Variants in UMPS observed in about 807,000 individuals in gnomAD.
The protein encoded by UMPS is uridine monophosphate synthetase.
UMPS carries 21 observed loss-of-function variants against 38.9 expected under a neutral mutation model. The ratio of observed to expected loss-of-function variants is 0.54; its 90% confidence interval spans 0.38 to 0.78. UMPS has a LOEUF of 0.78. UMPS is among the 30% of genes least tolerant of loss of function. The pLI, the probability that UMPS is intolerant of heterozygous loss-of-function variation, is 0.00. For missense variants in UMPS, 533 were observed against 591.6 expected, an observed-to-expected ratio of 0.90 and a Z score of 1.03; for synonymous variants, 208 against 219.3, an observed-to-expected ratio of 0.95 and a Z score of 0.45.
chr3:124,732,216 T>A (rs2063484588), intron 1 of UMPS, among the ~76,000 whole-genome samples: 1 of 152,216 alleles, frequency 6.6e-6, no homozygotes, highest in Non-Finnish European at 1.5e-5. Flanking sequence ...GGGCAACTAC[T>A]CATATTAATT....
chr3:124,731,909 C>T (rs865927979), intron 1 of UMPS, among the ~76,000 whole-genome samples: 12 of 150,692 alleles, frequency 8.0e-5, no homozygotes, highest in Middle Eastern at 3.5e-3. Context: ...GATCCTCTTA[C>T]CTCAACCTCT....
intron 3 of UMPS, among the ~76,000 whole-genome samples, chr3:124,738,977 C>T (rs1190170805): frequency 1.3e-5 from 2 of 152,156 alleles, no homozygotes; most frequent in Non-Finnish European, 2.9e-5. Context: ...TTTTTGTAGG[C>T]ATCTTTGAGG....
At chr3:124,736,036 C>G (rs2150895091) in intron 2 of UMPS, among the ~76,000 whole-genome samples, 1 of 152,236 alleles carries the variant, frequency 6.6e-6, no homozygotes, top group African/African-American at 2.4e-5. Flanking sequence ...AATCCCAGCA[C>G]TTTGGGAGGG....
Position 124,746,158 on chromosome 3 carries a change from C to G in UMPS, c.*2074C>G, listed in dbSNP as rs1402897139. The G allele has an allele frequency of 2.2e-6, 1 of 454,012 alleles. No individual in the cohort carries two copies. 28.1% of individuals were successfully genotyped at this position (454,012 alleles called of 1,614,324 possible). A position where few individuals can be genotyped will look rare whatever the true frequency, so the allele number is the denominator to read the frequency against. The stretch of plus-strand genomic sequence containing the variant: ...TTAGAAATGTGGGCTCCTGCCATCT[C>G]CAGGACGCAGGCACTGTTCCTGTTG... On this transcript the variant is annotated 3_prime_UTR_variant, in exon 6 of 6. Transcript: ENST00000232607.
chr3:124,735,103 T>C lies in UMPS; in HGVS notation c.167T>C (p.Ile56Thr), dbSNP rs762112305. The C allele has an allele frequency of 1.2e-6, 2 of 1,613,634 alleles. No homozygotes were observed. The highest frequency in any genetic ancestry group is 1.7e-5 in the Admixed American group (1 of 59,988). ...RPRLLSQVAD[I>T]LFQTAQNAGI... ...TTCATTTTCTTACAGGTTGCAGATA[T>C]TTTATTCCAAACTGCCCAAAATGCA... Residue 56 changes from isoleucine to threonine, a missense_variant, in exon 2 of 6, where the codon ATT (isoleucine) becomes ACT (threonine). Coordinates refer to ENST00000232607, the MANE Select transcript of UMPS (RefSeq NM_000373.4).
At position 124,747,882 on chromosome 3, in the gene UMPS, T is replaced by C. The variant is rs1219555464; in HGVS notation, c.*3798T>C. On this transcript the variant is annotated 3_prime_UTR_variant, in exon 6 of 6. Transcript: ENST00000232607. ...AACACAGTGGACCAAGTGTCAGTCA[T>C]TGAAAATGACCATGAGTAACCCTGT... 4 of 453,474 alleles carry C rather than the reference T, an allele frequency of 8.8e-6. No homozygotes were observed. Among genetic ancestry groups the C allele is most frequent in the Non-Finnish European group, 1.8e-5 (4 of 226,394 alleles). 28.1% of individuals were successfully genotyped at this position (453,474 alleles called of 1,614,324 possible). A position where few individuals can be genotyped will look rare whatever the true frequency, so the allele number is the denominator to read the frequency against.
Position 124,746,185 on chromosome 3 carries a change from T to G in UMPS, c.*2101T>G, listed in dbSNP as rs1025421272. The G allele has an allele frequency of 2.0e-5, 9 of 454,000 alleles. No individual in the cohort carries two copies. Among genetic ancestry groups the G allele is most frequent in the African/African-American group, 1.6e-4 (8 of 50,010 alleles). The allele number at this position is 454,000 out of a possible 1,614,324, so 28.1% of individuals were successfully genotyped here. A position where few individuals can be genotyped will look rare whatever the true frequency, so the allele number is the denominator to read the frequency against. The stretch of plus-strand genomic sequence containing the variant: ...AGGACGCAGGCACTGTTCCTGTTGA[T>G]GAACCCTATTTCACAGGACCCCTGC... On this transcript the variant is annotated 3_prime_UTR_variant, in exon 6 of 6. Coordinates refer to ENST00000232607, the MANE Select transcript of UMPS (RefSeq NM_000373.4).
chr3:124,743,655 A>T (rs868627957), intron 5 of UMPS, among the ~76,000 whole-genome samples: 46 of 151,626 alleles, frequency 3.0e-4, no homozygotes, highest in Admixed American at 1.1e-3. Flanking sequence ...TAAATAAATA[A>T]AAATAAATAA....
chr3:124,732,958 C>T (rs902825742), intron 1 of UMPS, among the ~76,000 whole-genome samples: 1 of 109,628 alleles, frequency 9.1e-6, no homozygotes, highest in African/African-American at 4.6e-5. Context: ...TTTTTGATAA[C>T]TAGATCATGG....
In UMPS at chr3:124,740,214, G is replaced by A; in HGVS notation, c.1158+15G>A. 6.3e-7 allele frequency: 1 copy of A among 1,598,952 alleles called. No individual in the cohort carries two copies. Among genetic ancestry groups the A allele is most frequent in the Non-Finnish European group, 8.5e-7 (1 of 1,170,824 alleles). ...CTAGAGCAGCGGTAAGTGGTGGGGGGACTGGGTGAGAGGGGGCAGGGGCTG... is the reference window on the plus strand; with the variant it reads ...CTAGAGCAGCGGTAAGTGGTGGGGGAACTGGGTGAGAGGGGGCAGGGGCTG... On this transcript the variant is annotated intron_variant, in intron 4 of 5. Transcript: ENST00000232607.
chr3:124,742,269 A>C lies in UMPS; in HGVS notation c.1273+3A>C. On this transcript the variant is annotated splice_donor_region_variant and intron_variant, in intron 5 of 5. Transcript: ENST00000232607. ...AGGAGTTCAGTTGGAAGCAGGAGGT[A>C]AATCTGGTCACTGGTCGTGGCTCTT... 1 of 1,609,030 alleles carries C rather than the reference A, an allele frequency of 6.2e-7. No homozygotes were observed. Among genetic ancestry groups the C allele is most frequent in the South Asian group, 1.1e-5 (1 of 91,000 alleles).
rs1428255448 is a variant in UMPS at position 124,746,423 on chromosome 3, A to T, written c.*2339A>T. 1 of 454,134 alleles carries T rather than the reference A, an allele frequency of 2.2e-6. No individual in the cohort carries two copies. Among genetic ancestry groups the T allele is most frequent in the Admixed American group, 2.3e-5 (1 of 42,582 alleles). The allele number at this position is 454,134 out of a possible 1,614,324, so 28.1% of individuals were successfully genotyped here. ...TTCTATTGTGAAGAGTCAGCCCAGTACTGCAGGCCTCTTACCTAAGCAGAA... is the reference window on the plus strand; with the variant it reads ...TTCTATTGTGAAGAGTCAGCCCAGTTCTGCAGGCCTCTTACCTAAGCAGAA... On this transcript the variant is annotated 3_prime_UTR_variant, in exon 6 of 6. Transcript: ENST00000232607.
rs2063597481 is a variant in UMPS at position 124,746,342 on chromosome 3, G to C, written c.*2258G>C. On this transcript the variant is annotated 3_prime_UTR_variant, in exon 6 of 6. Coordinates refer to ENST00000232607, the MANE Select transcript of UMPS (RefSeq NM_000373.4). ...TAGCAGATTTGTGGTTTGCCCAGCA[G>C]CCTGGGCGTGTGCATTTCTAATGGG... is the stretch of plus-strand genomic sequence containing the variant. 1 of 454,030 alleles carries C rather than the reference G, an allele frequency of 2.2e-6. No individual in the cohort carries two copies. The highest frequency in any genetic ancestry group is 2.0e-5 in the African/African-American group (1 of 50,016). 28.1% of individuals were successfully genotyped at this position (454,030 alleles called of 1,614,324 possible). A position where few individuals can be genotyped will look rare whatever the true frequency, so the allele number is the denominator to read the frequency against.
intron 4 of UMPS, 59 bp downstream of exon 4, chr3:124,740,258 G>C: frequency 1.3e-6 from 2 of 1,506,122 alleles, no homozygotes; most frequent in Non-Finnish European, 1.8e-6. Context: ...CATGCTGCAA[G>C]AAGATATCTC....
intron 1 of UMPS, among the ~76,000 whole-genome samples, chr3:124,734,706 CAT>C (rs2063505494): frequency 6.6e-6 from 1 of 152,136 alleles, no homozygotes; most frequent in Non-Finnish European, 1.5e-5. Context: ...TACGTTGTTA[CAT>C]GTTTATACAC....
intron 5 of UMPS, chr3:124,742,736 G>A (rs184354066): frequency 7.6e-5 from 13 of 170,298 alleles, no homozygotes; most frequent in East Asian, 4.8e-4. Context: ...TTAAGGATTC[G>A]GGTTTATGGA....
chr3:124,744,192 C>A lies in UMPS; in HGVS notation c.*108C>A. On this transcript the variant is annotated 3_prime_UTR_variant, in exon 6 of 6. Coordinates refer to ENST00000232607, the MANE Select transcript of UMPS (RefSeq NM_000373.4). ...CCAATTATTCCTGCTTGGATTCTTC[C>A]ACAGGGCCTGTGTAAGAATGGGTTC... 7.4e-7 allele frequency: 1 copy of A among 1,359,592 alleles called. No homozygotes were observed. The highest frequency in any genetic ancestry group is 1.0e-6 in the Non-Finnish European group (1 of 971,428). The allele number at this position is 1,359,592 out of a possible 1,614,324, so 84.2% of individuals were successfully genotyped here.
intron 2 of UMPS, among the ~76,000 whole-genome samples, chr3:124,736,563 A>T (rs1334862463): frequency 6.6e-6 from 1 of 151,986 alleles, no homozygotes; most frequent in Admixed American, 6.6e-5. Flanking sequence ...TCATCCTCCC[A>T]AAGTGCTGGG....
intron 5 of UMPS, chr3:124,742,512 A>G: frequency 1.9e-6 from 1 of 533,468 alleles, no homozygotes; most frequent in Non-Finnish European, 3.3e-6. Flanking sequence ...TGCTTTAATG[A>G]GATAACATGT....
Sources: allele counts gnomAD v4.1 joint callset (sites outside exome capture counted in the v4.1 genomes callset), GRCh38; gene constraint gnomAD v4.1.1; transcripts MANE v1.5; gene names NCBI Gene and HGNC (gene_info 2026-07-23, HGNC 2026-07-21).